The following NPIPB2 variants were observed in gnomAD, a reference collection of about 807,000 sequenced individuals.
NPIPB2 encodes the protein nuclear pore complex-interacting protein family member B2.
In NPIPB2, 27 loss-of-function variants were observed where a neutral mutation model predicts 30.8. The observed-to-expected ratio is 0.88, with a 90% CI of 0.65 to 1.21. The LOEUF (loss-of-function observed/expected upper bound fraction) is 1.21, where lower values mean the gene tolerates loss of function less well. Ranked by LOEUF, NPIPB2 falls within the 50% of genes most tolerant of loss-of-function variation. NPIPB2 has a pLI of 0.00. For missense variants in NPIPB2, 440 were observed against 446.2 expected (o/e 0.99, Z 0.13); for synonymous variants, 147 against 162.0 (o/e 0.91, Z 0.70).
chr16:11,938,850 G>T (rs1390793006), intron 1 of NPIPB2, among the ~76,000 whole-genome samples: 1 of 151,952 alleles, frequency 6.6e-6, no homozygotes, highest in African/African-American at 2.4e-5. Context: ...CCGGGTTCAA[G>T]CGATTCTCCT....
At chr16:11,932,544 G>A (rs961366442) in intron 4 of NPIPB2, among the ~76,000 whole-genome samples, 50 of 151,376 alleles carry the variant, frequency 3.3e-4, no homozygotes, top group Non-Finnish European at 5.2e-4. Flanking sequence ...TTGGGAGGCC[G>A]AGGTGTGCGG....
upstream of NPIPB2, among the ~76,000 whole-genome samples, chr16:11,942,645 A>G (rs1410758351): frequency 6.6e-6 from 1 of 152,162 alleles, no homozygotes; most frequent in Non-Finnish European, 1.5e-5. Flanking sequence ...GTGCATTTCA[A>G]GAAACAAAGT....
chr16:11,943,502 G>C (rs2054966608), upstream of NPIPB2, among the ~76,000 whole-genome samples: 1 of 151,822 alleles, frequency 6.6e-6, no homozygotes, highest in Admixed American at 6.6e-5. Context: ...AGGAGTTCGA[G>C]ACCAGACTGA....
At chr16:11,967,523 C>T in intron 1 of NPIPB2, 1 of 1,578,026 alleles carries the variant, frequency 6.3e-7, no homozygotes, top group Non-Finnish European at 8.6e-7. Context: ...CTCATGACCA[C>T]ATTCTCTGTG....
At chr16:11,967,770 A>C (rs771408651) in intron 1 of NPIPB2, 20 of 1,614,124 alleles carry the variant, frequency 1.2e-5, no homozygotes, top group Non-Finnish European at 1.6e-5. Context: ...TGTCACCACG[A>C]AAACGAATGA....
chr16:11,958,523 A>G (rs2150933918), intron 1 of NPIPB2, among the ~76,000 whole-genome samples: 1 of 152,126 alleles, frequency 6.6e-6, no homozygotes, highest in Middle Eastern at 3.4e-3. Context: ...TGAGTCTAGG[A>G]GTTTGAGACC....
chr16:11,953,549 C>T (rs1332988706), intron 1 of NPIPB2, among the ~76,000 whole-genome samples: 1 of 151,740 alleles, frequency 6.6e-6, no homozygotes, highest in Non-Finnish European at 1.5e-5. Context: ...ACGGAGTTTC[C>T]CCATGTTAGC....
intron 1 of NPIPB2, among the ~76,000 whole-genome samples, chr16:11,947,105 T>A (rs2055018653): frequency 6.8e-6 from 1 of 146,702 alleles, no homozygotes; most frequent in East Asian, 2.0e-4. Context: ...AAAATTCAAT[T>A]ATATATATTT....
intron 1 of NPIPB2, among the ~76,000 whole-genome samples, chr16:11,962,946 A>G (rs1458037022): frequency 6.6e-6 from 1 of 152,126 alleles, no homozygotes; most frequent in African/African-American, 2.4e-5. Flanking sequence ...GCATGCCTGT[A>G]ATCCCAGCTA....
chr16:11,930,934 T>TTGGTGAGG (rs2054782866), intron 4 of NPIPB2, among the ~76,000 whole-genome samples: 2 of 106,404 alleles, frequency 1.9e-5, no homozygotes, highest in African/African-American at 7.4e-5. Flanking sequence ...ACCTCACCAA[T>TTGGTGAGG]TCATCACAAC....
intron 2 of NPIPB2, among the ~76,000 whole-genome samples, chr16:11,934,209 G>A (rs2150910846): frequency 1.5e-5 from 2 of 136,412 alleles, no homozygotes; most frequent in South Asian, 2.5e-4. Flanking sequence ...CAGCCTGAGA[G>A]ACAGAATGAG....
chr16:11,950,059 G>A (rs950432150), intron 1 of NPIPB2, among the ~76,000 whole-genome samples: 4 of 152,026 alleles, frequency 2.6e-5, no homozygotes, highest in African/African-American at 9.7e-5. Context: ...TTTCCGAGAT[G>A]GAGTCTCGCT....
exon 8 of NPIPB2, chr16:11,927,404 T>C (rs1439069924): frequency 1.0e-6 from 1 of 997,098 alleles, no homozygotes; most frequent in Non-Finnish European, 1.5e-6. Context: ...TGTTCTCAGC[T>C]TACTCAACCT....
intron 1 of NPIPB2, among the ~76,000 whole-genome samples, chr16:11,962,503 T>G (rs1280984025): frequency 6.6e-6 from 1 of 151,042 alleles, no homozygotes; most frequent in East Asian, 2.0e-4. Flanking sequence ...TCCCAGCTAC[T>G]CTGGAGGCTG....
intron 1 of NPIPB2, among the ~76,000 whole-genome samples, chr16:11,961,637 A>G (rs963135972): frequency 2.6e-5 from 4 of 151,762 alleles, no homozygotes; most frequent in Admixed American, 6.6e-5. Context: ...AAAATTAGCC[A>G]GGCCTGGAGG....
intron 1 of NPIPB2, among the ~76,000 whole-genome samples, 196 bp from the exon 2 acceptor site, chr16:11,937,864 T>C (rs912953056): frequency 1.3e-5 from 2 of 152,212 alleles, no homozygotes; most frequent in African/African-American, 4.8e-5. Flanking sequence ...GGTAGTGTTT[T>C]TAGGCATTGC....
intron 1 of NPIPB2, among the ~76,000 whole-genome samples, chr16:11,962,005 G>T (rs895490334): frequency 6.6e-6 from 1 of 151,770 alleles, no homozygotes; most frequent in Non-Finnish European, 1.5e-5. Context: ...TTCAAGACCA[G>T]CCTGGGCAAC....
intron 1 of NPIPB2, among the ~76,000 whole-genome samples, chr16:11,975,434 A>C (rs1176407677): frequency 6.6e-6 from 1 of 151,860 alleles, no homozygotes; most frequent in African/African-American, 2.4e-5. Flanking sequence ...GGCGTGAGCC[A>C]CCGCGCCCGG....
At chr16:11,934,750 T>C (rs558202032) in intron 2 of NPIPB2, among the ~76,000 whole-genome samples, 2 of 145,232 alleles carry the variant, frequency 1.4e-5, no homozygotes, top group East Asian at 2.1e-4. Flanking sequence ...CCCCAGCTAC[T>C]TGGGAGGCTG....
Sources: allele counts gnomAD v4.1 joint callset (sites outside exome capture counted in the v4.1 genomes callset), GRCh38; gene constraint gnomAD v4.1.1; transcripts MANE v1.5; gene names NCBI Gene and HGNC (gene_info 2026-07-23, HGNC 2026-07-21).